Variants in CD72 observed in about 807,000 individuals in gnomAD.
The protein encoded by CD72 is CD72 molecule, also known as B-cell differentiation antigen CD72.
CD72 carries 28 observed loss-of-function variants against 50.7 expected under a neutral mutation model. That is an observed-to-expected ratio of 0.55 (90% CI 0.41 to 0.76). CD72 has a LOEUF of 0.76. CD72 is among the 30% of genes least tolerant of loss of function. The pLI, the probability that CD72 is intolerant of heterozygous loss-of-function variation, is 0.00. For synonymous variants in CD72, 176 were observed against 171.2 expected, an observed-to-expected ratio of 1.03 and a Z score of -0.22; for missense variants, 403 against 420.6, an observed-to-expected ratio of 0.96 and a Z score of 0.37.
chr9:35,639,355 C>T (rs536406213), intron 1 of CD72, among the ~76,000 whole-genome samples: 2 of 152,132 alleles, frequency 1.3e-5, no homozygotes, highest in African/African-American at 2.4e-5. Flanking sequence ...GTTATTTGTA[C>T]GTGGTAGTGT....
chr9:35,635,221 A>G lies in CD72; in HGVS notation n.408+11182T>C, dbSNP rs142023132. ...GCTGAGTGTGTGTCTTTTCGTTTCA[A>G]TTGGAGCTGGAATCATTCTTTCTTC... On this transcript the variant is annotated intron_variant and non_coding_transcript_variant, in intron 1 of 3. Coordinates refer to the CD72 transcript ENST00000465754. 4.0e-3 allele frequency among the ~76,000 whole-genome samples: 605 copies of G among 152,234 alleles called. 4 individuals are homozygous for G. The highest frequency in any genetic ancestry group is 0.014 in the African/African-American group (568 of 41,528).
At chr9:35,629,044 A>G (rs189321234) in intron 1 of CD72, among the ~76,000 whole-genome samples, 13 of 151,730 alleles carry the variant, frequency 8.6e-5, no homozygotes, top group Admixed American at 8.5e-4. Flanking sequence ...CTGGCTAATT[A>G]AATTTTTTTT....
upstream of CD72, among the ~76,000 whole-genome samples, chr9:35,622,519 G>A (rs74605269): frequency 2.1e-3 from 321 of 152,294 alleles, 1 homozygote; most frequent in Middle Eastern, 3.4e-3. Context: ...AGCAGGCCAG[G>A]CACGATGGCT....
chr9:35,634,855 A>C (rs1007143775), intron 1 of CD72, among the ~76,000 whole-genome samples: 6 of 152,178 alleles, frequency 3.9e-5, no homozygotes, highest in Non-Finnish European at 8.8e-5. Context: ...CTTATTTAGC[A>C]TATATGTTAC....
intron 1 of CD72, among the ~76,000 whole-genome samples, chr9:35,636,981 C>G (rs1823296533): frequency 6.6e-6 from 1 of 152,216 alleles, no homozygotes; most frequent in South Asian, 2.1e-4. Context: ...CTGCCCCACC[C>G]TAACTGATCA....
At chr9:35,623,459 T>C (rs1464384966), upstream of CD72, among the ~76,000 whole-genome samples, 1 of 152,182 alleles carries the variant, frequency 6.6e-6, no homozygotes, top group African/African-American at 2.4e-5. Flanking sequence ...GCCACACCTA[T>C]AGCCCTTTTT....
At chr9:35,617,976 G>A (rs1823093681) in intron 2 of CD72, 38 bp downstream of exon 2, 1 of 1,204,710 alleles carries the variant, frequency 8.3e-7, no homozygotes. Flanking sequence ...TCAAGACACA[G>A]CCCCCCAACA....
rs555953009 is a variant in CD72 at position 35,614,545 on chromosome 9, A to G, written c.688+1398T>C. Among the ~76,000 whole-genome samples the G allele has an allele frequency of 3.3e-5, 5 of 152,338 alleles. 1 individual carries two copies. The South Asian group carries it at 8.3e-4, about 25-fold the overall frequency. The stretch of plus-strand genomic sequence containing the variant: ...AGGAGTTACTATGGAGAGCAAGCTG[A>G]CCATTGCAAAGGTTGCCAGGCAGTG... On this transcript the variant is annotated intron_variant, in intron 5 of 8. Coordinates refer to ENST00000259633, the MANE Select transcript of CD72 (RefSeq NM_001782.3).
intron 6 of CD72, 79 bp downstream of exon 6, chr9:35,612,769 A>G (rs966622911): frequency 1.4e-5 from 19 of 1,337,994 alleles, no homozygotes; most frequent in Non-Finnish European, 1.2e-5. Context: ...CCATGTGTGC[A>G]CTGCCATTCC....
chr9:35,629,156 CA>C (rs1449255052), intron 1 of CD72, among the ~76,000 whole-genome samples: 4 of 152,124 alleles, frequency 2.6e-5, no homozygotes, highest in African/African-American at 9.7e-5. Context: ...GAATTACAGA[CA>C]TGAGCCACTG....
upstream of CD72, among the ~76,000 whole-genome samples, chr9:35,622,394 A>C (rs942902472): frequency 6.6e-6 from 1 of 152,212 alleles, no homozygotes; most frequent in African/African-American, 2.4e-5. Context: ...CTCTGTGCTT[A>C]ATGGCACAGA....
chr9:35,619,669 T>C (rs537319638), upstream of CD72: 29 of 152,338 alleles, frequency 1.9e-4, no homozygotes, highest in African/African-American at 6.5e-4. Context: ...CACGTGTGCA[T>C]GTGTGTGCAT....
intron 2 of CD72, 107 bp from the exon 3 acceptor site, chr9:35,617,354 C>T (rs1267178088): frequency 1.3e-5 from 17 of 1,291,364 alleles, no homozygotes; most frequent in Non-Finnish European, 1.4e-5. Context: ...GTCTGCCCTA[C>T]GTTGCCTGCT....
At chr9:35,615,777 G>A (rs1290592340) in intron 5 of CD72, among the ~76,000 whole-genome samples, 166 bp downstream of exon 5, 1 of 143,804 alleles carries the variant, frequency 7.0e-6, no homozygotes, top group African/African-American at 2.6e-5. Flanking sequence ...ATGCAGCTTG[G>A]TCCTTCTCTC....
chr9:35,623,827 T>C (rs1300295654), upstream of CD72, among the ~76,000 whole-genome samples: 1 of 152,082 alleles, frequency 6.6e-6, no homozygotes, highest in Non-Finnish European at 1.5e-5. Context: ...GGCAAGAGAA[T>C]AGCTTGAACC....
At chr9:35,611,250 CAAAA>C (rs749846765) in intron 7 of CD72, among the ~76,000 whole-genome samples, 2 of 117,206 alleles carry the variant, frequency 1.7e-5, no homozygotes, top group Non-Finnish European at 3.6e-5. Flanking sequence ...GACTCCATCT[CAAAA>C]AAAAAAAAAA....
intron 1 of CD72, among the ~76,000 whole-genome samples, chr9:35,628,472 T>C (rs1388982746): frequency 1.3e-5 from 2 of 152,188 alleles, no homozygotes; most frequent in Admixed American, 6.5e-5. Flanking sequence ...CAGGCACCTG[T>C]AGTAAGAAAC....
At chr9:35,622,792 A>AAAAAT (rs1554649026), upstream of CD72, among the ~76,000 whole-genome samples, 1 of 150,742 alleles carries the variant, frequency 6.6e-6, no homozygotes, top group African/African-American at 2.5e-5. Flanking sequence ...GTCTCAAAAA[A>AAAAAT]AATAATAATA....
At chr9:35,633,876 C>T (rs758797653) in intron 1 of CD72, among the ~76,000 whole-genome samples, 29 of 152,212 alleles carry the variant, frequency 1.9e-4, no homozygotes, top group Non-Finnish European at 2.8e-4. Flanking sequence ...ATTGTTAAGT[C>T]GGGGATTGTC....
Sources: allele counts gnomAD v4.1 joint callset (sites outside exome capture counted in the v4.1 genomes callset), GRCh38; gene constraint gnomAD v4.1.1; transcripts MANE v1.5; gene names NCBI Gene and HGNC (gene_info 2026-07-23, HGNC 2026-07-21).